The following UTRN variants were observed in gnomAD, a reference collection of about 807,000 sequenced individuals.
UTRN encodes dystrophin-related protein 1.
Under a neutral mutation model 463.9 loss-of-function variants are expected in UTRN, and 283 were observed. The observed-to-expected ratio is 0.61, with a 90% confidence interval of 0.55 to 0.67. UTRN has a LOEUF of 0.67. Ranked by LOEUF, UTRN falls within the 30% of genes least tolerant of loss-of-function variation. UTRN has a pLI of 0.00. For missense variants in UTRN, 3,922 were observed against 4,084.3 expected (o/e 0.96, Z 1.08); for synonymous variants, 1,442 against 1,431.5 (o/e 1.01, Z -0.17).
chr6:144,671,255 T>G (rs1780989957), intron 51 of UTRN, among the ~76,000 whole-genome samples: 1 of 152,150 alleles, frequency 6.6e-6, no homozygotes, highest in African/African-American at 2.4e-5. Context: ...CAATATTTAT[T>G]CTACTCATAC....
intron 51 of UTRN, among the ~76,000 whole-genome samples, chr6:144,623,312 T>C (rs1045838415): frequency 1.3e-5 from 2 of 152,258 alleles, no homozygotes; most frequent in African/African-American, 4.8e-5. Flanking sequence ...ATTCATTTTT[T>C]CAATCATTTA....
chr6:144,792,574 A>T (rs933468763), intron 62 of UTRN, among the ~76,000 whole-genome samples: 4 of 152,108 alleles, frequency 2.6e-5, no homozygotes, highest in African/African-American at 7.2e-5. Context: ...AGAGAAAATG[A>T]TGCATTTTGA....
At chr6:144,770,238 C>T (rs1335514363) in intron 58 of UTRN, among the ~76,000 whole-genome samples, 2 of 152,040 alleles carry the variant, frequency 1.3e-5, no homozygotes, top group African/African-American at 2.4e-5. Flanking sequence ...CTAATATTTC[C>T]GGGATACGTA....
intron 71 of UTRN, among the ~76,000 whole-genome samples, chr6:144,836,784 G>T (rs1378247480): frequency 6.6e-6 from 1 of 152,138 alleles, no homozygotes; most frequent in African/African-American, 2.4e-5. Context: ...AATGAAGTCC[G>T]CCTCAGCTCT....
intron 45 of UTRN, among the ~76,000 whole-genome samples, chr6:144,540,396 A>G (rs540705386): frequency 5.1e-4 from 77 of 152,222 alleles, no homozygotes; most frequent in Non-Finnish European, 7.9e-4. Context: ...TCCTCTTTAA[A>G]TGGTAGCCAT....
At chr6:144,814,259 G>A (rs918020613) in intron 65 of UTRN, among the ~76,000 whole-genome samples, 2 of 152,148 alleles carry the variant, frequency 1.3e-5, no homozygotes, top group Non-Finnish European at 2.9e-5. Flanking sequence ...ATGGGAGGAC[G>A]CAGTGAGAAG....
At chr6:144,789,172 A>G in intron 61 of UTRN, 22 bp from the exon 62 acceptor site, 1 of 1,595,950 alleles carries the variant, frequency 6.3e-7, no homozygotes. Flanking sequence ...CATCTAACAC[A>G]TTAACATTCT....
intron 51 of UTRN, among the ~76,000 whole-genome samples, chr6:144,595,032 T>G (rs1803496102): frequency 6.6e-6 from 1 of 152,180 alleles, no homozygotes. Flanking sequence ...GTAATGTACT[T>G]TTAATAGAAA....
At chr6:144,600,780 G>A (rs1804163032) in intron 51 of UTRN, among the ~76,000 whole-genome samples, 1 of 152,364 alleles carries the variant, frequency 6.6e-6, no homozygotes, top group East Asian at 1.9e-4. Flanking sequence ...AGATGAAACA[G>A]CAGCTTTCAA....
intron 51 of UTRN, among the ~76,000 whole-genome samples, chr6:144,621,953 C>T (rs1775424774): frequency 1.3e-5 from 2 of 151,628 alleles, no homozygotes; most frequent in African/African-American, 4.8e-5. Flanking sequence ...CCCTCTTCTC[C>T]TTTTTTTGGT....
intron 3 of UTRN, among the ~76,000 whole-genome samples, chr6:144,416,683 A>G (rs1251256585): frequency 6.6e-6 from 1 of 152,228 alleles, no homozygotes; most frequent in Non-Finnish European, 1.5e-5. Context: ...GGGCTGTAGT[A>G]TCTGTCATCT....
At chr6:144,473,177 C>T (rs1790844901) in intron 23 of UTRN, among the ~76,000 whole-genome samples, 1 of 152,188 alleles carries the variant, frequency 6.6e-6, no homozygotes, top group African/African-American at 2.4e-5. Flanking sequence ...TCGCCATACA[C>T]AGTAGCTGGA....
intron 9 of UTRN, among the ~76,000 whole-genome samples, chr6:144,433,792 G>T (rs1474987821): frequency 6.6e-6 from 1 of 151,628 alleles, no homozygotes; most frequent in Non-Finnish European, 1.5e-5. Context: ...GATGGCGGCC[G>T]GGAAGAGGTG....
chr6:144,473,061 T>C (rs1010113490), intron 23 of UTRN, among the ~76,000 whole-genome samples: 1 of 152,174 alleles, frequency 6.6e-6, no homozygotes, highest in Admixed American at 6.5e-5. Flanking sequence ...CCACCGTACC[T>C]GGCCCTTATT....
At chr6:144,847,783 C>G (rs1019435411) in intron 74 of UTRN, among the ~76,000 whole-genome samples, 3 of 152,094 alleles carry the variant, frequency 2.0e-5, no homozygotes, top group African/African-American at 7.2e-5. Flanking sequence ...CAAGTAGCTG[C>G]TTAGGAAGGT....
intron 43 of UTRN, among the ~76,000 whole-genome samples, chr6:144,535,715 T>A (rs1797469370): frequency 6.6e-6 from 1 of 152,224 alleles, no homozygotes; most frequent in African/African-American, 2.4e-5. Context: ...TATCACACAG[T>A]TCAATTTGTT....
At chr6:144,675,514 CTGT>C (rs1444681788) in intron 51 of UTRN, among the ~76,000 whole-genome samples, 1 of 152,168 alleles carries the variant, frequency 6.6e-6, no homozygotes, top group African/African-American at 2.4e-5. Context: ...GTGGAATTAG[CTGT>C]TGTTTTCTCC....
chr6:144,824,775 G>GT (rs1333745516), intron 66 of UTRN, among the ~76,000 whole-genome samples: 5 of 145,106 alleles, frequency 3.4e-5, no homozygotes, highest in African/African-American at 7.9e-5. Context: ...GTTGGTGGTG[G>GT]GGGGGGGTGT....
At chr6:144,464,007 A>G (rs1273823460) in intron 23 of UTRN, among the ~76,000 whole-genome samples, 1 of 151,506 alleles carries the variant, frequency 6.6e-6, no homozygotes, top group Non-Finnish European at 1.5e-5. Flanking sequence ...ATATCTACAT[A>G]TATTTGGATC....
Sources: gnomAD v4.1 joint callset for allele counts (sites outside exome capture counted in the v4.1 genomes callset) on GRCh38, gnomAD v4.1.1 for gene constraint, MANE v1.5 for transcripts, NCBI Gene and HGNC (gene_info 2026-07-23, HGNC 2026-07-21) for gene names.